Variants in DHRSX observed in about 807,000 individuals in gnomAD.
DHRSX encodes the protein polyprenol dehydrogenase.
DHRSX carries 31 observed loss-of-function variants against 34.0 expected under a neutral mutation model. The ratio of observed to expected loss-of-function variants is 0.91; its 90% CI spans 0.69 to 1.23. DHRSX has a LOEUF of 1.23. Among genes scored for constraint, DHRSX ranks in the 50% most tolerant of loss-of-function variants. The pLI is 0.00. For missense variants in DHRSX, 414 were observed against 428.1 expected (o/e 0.97, Z 0.29); for synonymous variants, 201 against 183.8 (o/e 1.09, Z -0.76).
chrX:2,372,087 C>A (rs1384415457), intron 3 of DHRSX, among the ~76,000 whole-genome samples: 3 of 152,124 alleles, frequency 2.0e-5, no homozygotes, highest in Admixed American at 6.6e-5. Flanking sequence ...GCACCATCGT[C>A]GGAGAAATTT....
intron 1 of DHRSX, among the ~76,000 whole-genome samples, chrX:2,479,139 C>T (rs1462262813): frequency 6.7e-6 from 1 of 148,892 alleles, no homozygotes; most frequent in African/African-American, 2.5e-5. Context: ...GCTAACAATG[C>T]AGCCAAAGGA....
intron 3 of DHRSX, among the ~76,000 whole-genome samples, chrX:2,382,624 TCATCACCATCATCAC>T (rs1569495714): frequency 7.2e-5 from 2 of 27,610 alleles, no homozygotes; most frequent in Non-Finnish European, 1.5e-4. Context: ...ATCACCACCA[TCATCACCATCATCAC>T]CATCACCATC....
intron 1 of DHRSX, among the ~76,000 whole-genome samples, chrX:2,456,754 C>T (rs375831774): frequency 1.2e-3 from 190 of 152,168 alleles, no homozygotes; most frequent in African/African-American, 4.2e-3. Flanking sequence ...CCCAAGTCTA[C>T]ACGAATATAA....
chrX:2,419,907 A>G (rs1445277436), intron 2 of DHRSX, among the ~76,000 whole-genome samples: 1 of 152,038 alleles, frequency 6.6e-6, no homozygotes, highest in African/African-American at 2.4e-5. Flanking sequence ...AGCATGGCAC[A>G]TGTATACATA....
chrX:2,232,068 CTTTTA>C (rs1206547616), intron 6 of DHRSX, among the ~76,000 whole-genome samples: 6 of 149,864 alleles, frequency 4.0e-5, no homozygotes, highest in Admixed American at 6.7e-5. Flanking sequence ...TGTCTTCCTC[CTTTTA>C]TTTTTTCTCC....
In DHRSX at chrX:2,388,156, G is replaced by T. The variant is rs759130595; in HGVS notation, c.286+20589C>A. Among the ~76,000 whole-genome samples, 3 of 152,220 alleles carry T rather than the reference G, an allele frequency of 2.0e-5. No individual in the cohort carries two copies. The East Asian group carries it at 5.8e-4, about 29-fold the overall frequency. On this transcript the variant is annotated intron_variant, in intron 3 of 6. Transcript: ENST00000334651. Reference sequence around the variant, plus strand: ...GTCTTACTCAAAGGAGCCATTGGGAGGCATGGAGGGAACCCCATGGCAAGA... The same window carrying T: ...GTCTTACTCAAAGGAGCCATTGGGATGCATGGAGGGAACCCCATGGCAAGA...
intron 5 of DHRSX, among the ~76,000 whole-genome samples, chrX:2,245,590 G>A (rs993641376): frequency 1.9e-4 from 29 of 150,838 alleles, no homozygotes; most frequent in Admixed American, 1.2e-3. Context: ...GATTACAGGC[G>A]TGAGCCACCG....
At chrX:2,276,748 GAGAGAGAGAGGGAGGGCAAAGAAGGA>G (rs1165937061) in intron 4 of DHRSX, among the ~76,000 whole-genome samples, 34 of 147,710 alleles carry the variant, frequency 2.3e-4, no homozygotes, top group African/African-American at 7.8e-4. Context: ...AGAGAGAGAG[GAGAGAGAGAGGGAGGGCAAAGAAGGA>G]AGAGAGAAGG....
intron 6 of DHRSX, among the ~76,000 whole-genome samples, chrX:2,240,811 A>G (rs1460839753): frequency 6.6e-6 from 1 of 152,200 alleles, no homozygotes. Context: ...ACAAATTATT[A>G]AAACTTTAGT....
intron 1 of DHRSX, chrX:2,500,487 G>C (rs1181964008): frequency 6.4e-6 from 1 of 156,386 alleles, no homozygotes; most frequent in African/African-American, 2.4e-5. Flanking sequence ...CAGGGTGCGC[G>C]GGGGGGCGGC....
chrX:2,454,539 A>AAC (rs1345881511), intron 1 of DHRSX, among the ~76,000 whole-genome samples: 1 of 151,524 alleles, frequency 6.6e-6, no homozygotes, highest in Non-Finnish European at 1.5e-5. Context: ...AAAAAAAAAA[A>AAC]AGACATATTC....
At chrX:2,249,524 T>TC (rs2016385411) in intron 5 of DHRSX, among the ~76,000 whole-genome samples, 1 of 116,888 alleles carries the variant, frequency 8.6e-6, no homozygotes, top group South Asian at 2.9e-4. Flanking sequence ...TTTTTTTTTT[T>TC]TTTTTTTTTT....
In DHRSX at chrX:2,357,843, G is replaced by A. The variant is rs1017237734; in HGVS notation, c.286+50902C>T. On this transcript the variant is annotated intron_variant, in intron 3 of 6. Transcript: ENST00000334651. Reference sequence around the variant, plus strand: ...AGACAGGCACTGTGTGTCAGATCAAGGATTCACCTACATAACGGTGGTTAT... The same window carrying A: ...AGACAGGCACTGTGTGTCAGATCAAAGATTCACCTACATAACGGTGGTTAT... Among the ~76,000 whole-genome samples the A allele has an allele frequency of 7.2e-4, 110 of 152,210 alleles. 1 individual carries two copies. Among genetic ancestry groups the A allele is most frequent in the African/African-American group, 2.6e-3 (109 of 41,526 alleles).
At chrX:2,253,530 C>T (rs1174648962) in intron 5 of DHRSX, among the ~76,000 whole-genome samples, 5 of 152,052 alleles carry the variant, frequency 3.3e-5, no homozygotes, top group Admixed American at 2.0e-4. Flanking sequence ...GGCCGTGAGC[C>T]AATCAGCAAA....
chrX:2,426,435 A>C (rs1275288267), intron 1 of DHRSX, among the ~76,000 whole-genome samples: 118 of 97,204 alleles, frequency 1.2e-3, no homozygotes, highest in African/African-American at 2.0e-3. Context: ...TCCTTCCTTC[A>C]TTCTTTCCTT....
intron 3 of DHRSX, among the ~76,000 whole-genome samples, chrX:2,295,089 T>C (rs1157675724): frequency 2.0e-5 from 3 of 151,912 alleles, no homozygotes; most frequent in South Asian, 4.2e-4. Flanking sequence ...ATACCAAAGG[T>C]TTATAAATCA....
At chrX:2,365,372 A>ATCTCCCAGGTT (rs2042984291) in intron 3 of DHRSX, among the ~76,000 whole-genome samples, 1 of 152,070 alleles carries the variant, frequency 6.6e-6, no homozygotes, top group Non-Finnish European at 1.5e-5. Context: ...ACTCCTGACC[A>ATCTCCCAGGTT]CAAATGATCC....
intron 3 of DHRSX, among the ~76,000 whole-genome samples, chrX:2,325,182 T>G (rs1327333147): frequency 6.6e-6 from 1 of 152,126 alleles, no homozygotes; most frequent in Non-Finnish European, 1.5e-5. Context: ...TACGGGTGAA[T>G]GTCGGGAGGA....
At position 2,500,018 on chromosome X, in the gene DHRSX, C is replaced by T. The variant is rs190234113; in HGVS notation, c.109+799G>A. 1.9e-3 allele frequency among the ~76,000 whole-genome samples: 295 copies of T among 152,192 alleles called. No homozygotes were observed. The Middle Eastern group carries it at 0.031, about 16-fold the overall frequency. ...CAGAGCAAGACTTCATCTCTACTTC[C>T]TATTACAAAAAATAATAATAATAAT... On this transcript the variant is annotated intron_variant, in intron 1 of 6. Transcript: ENST00000334651.
Sources: allele counts gnomAD v4.1 joint callset (sites outside exome capture counted in the v4.1 genomes callset), GRCh38; gene constraint gnomAD v4.1.1; transcripts MANE v1.5; gene names NCBI Gene and HGNC (gene_info 2026-07-23, HGNC 2026-07-21).